RAB6A: variants seen among roughly 807,000 people sequenced by gnomAD.
RAB6A encodes the protein ras-related protein Rab-6A.
RAB6A carries 8 observed loss-of-function variants against 32.3 expected under a neutral mutation model. The observed-to-expected ratio is 0.25, with a 90% CI of 0.15 to 0.45. The LOEUF is 0.45. Among genes scored for constraint, RAB6A ranks in the 20% least tolerant of loss-of-function variants. RAB6A has a pLI of 1.00. For missense variants in RAB6A, 104 were observed against 249.4 expected, an observed-to-expected ratio of 0.42 and a Z score of 3.93; for synonymous variants, 73 against 82.1, an observed-to-expected ratio of 0.89 and a Z score of 0.60.
At chr11:73,731,388 C>G (rs1946298929) in intron 1 of RAB6A, among the ~76,000 whole-genome samples, 1 of 151,464 alleles carries the variant, frequency 6.6e-6, no homozygotes, top group Non-Finnish European at 1.5e-5. Context: ...ACTAAAAATA[C>G]AAAACTTAGC....
chr11:73,695,305 A>T (rs191431194), intron 6 of RAB6A, among the ~76,000 whole-genome samples: 9 of 152,172 alleles, frequency 5.9e-5, no homozygotes, highest in Non-Finnish European at 8.8e-5. Flanking sequence ...ATCACAAATG[A>T]CTAAGTATGA....
At chr11:73,706,108 C>G (rs1945838140) in intron 6 of RAB6A, among the ~76,000 whole-genome samples, 1 of 152,118 alleles carries the variant, frequency 6.6e-6, no homozygotes, top group Non-Finnish European at 1.5e-5. Context: ...TGATTCAAGG[C>G]ATGGAGGGAA....
chr11:73,743,320 A>AAAG (rs1946530835), intron 1 of RAB6A, among the ~76,000 whole-genome samples: 2 of 151,828 alleles, frequency 1.3e-5, no homozygotes, highest in Non-Finnish European at 2.9e-5. Context: ...AAAAAAAAAA[A>AAAG]AGAGAAAAAA....
At chr11:73,708,469 G>C (rs1205880109) in intron 5 of RAB6A, among the ~76,000 whole-genome samples, 1 of 151,988 alleles carries the variant, frequency 6.6e-6, no homozygotes, top group Non-Finnish European at 1.5e-5. Flanking sequence ...GTGCCCAGCC[G>C]ATTTTGTGGA....
At chr11:73,711,302 G>C (rs1379565362) in intron 5 of RAB6A, among the ~76,000 whole-genome samples, 1 of 151,366 alleles carries the variant, frequency 6.6e-6, no homozygotes, top group African/African-American at 2.5e-5. Context: ...TCCTCATTTT[G>C]CTTTAGGTAA....
rs1946831513 is a variant in RAB6A, at chr11:73,760,656, C to A, written c.-21G>T. 1.2e-6 allele frequency: 2 copies of A among 1,601,100 alleles called. No homozygotes were observed. Among genetic ancestry groups the A allele is most frequent in the Admixed American group, 1.7e-5 (1 of 58,092 alleles). On this transcript the variant is annotated 5_prime_UTR_variant, in exon 1 of 8. Coordinates refer to ENST00000336083, the MANE Select transcript of RAB6A (RefSeq NM_198896.2). ...GACATTGTGGAACTAGAGGAGCGGC[C>A]GCCGCCTCAGCCTAGAGACCTCCCG...
intron 1 of RAB6A, among the ~76,000 whole-genome samples, chr11:73,732,877 A>C (rs1946339623): frequency 6.6e-6 from 1 of 151,200 alleles, no homozygotes; most frequent in South Asian, 2.1e-4. Context: ...CAGTGACGCG[A>C]TCTCGGCTCA....
intron 5 of RAB6A, among the ~76,000 whole-genome samples, chr11:73,709,870 C>T (rs11600162): frequency 2.2e-5 from 3 of 136,472 alleles, no homozygotes; most frequent in Non-Finnish European, 4.8e-5. Flanking sequence ...CATATATACA[C>T]ATATACATAC....
intron 6 of RAB6A, among the ~76,000 whole-genome samples, chr11:73,680,054 C>G (rs1037677884): frequency 7.2e-5 from 11 of 152,116 alleles, no homozygotes; most frequent in African/African-American, 2.7e-4. Flanking sequence ...GCTGAGATCA[C>G]GCCACTGCAC....
chr11:73,742,273 C>T (rs1946508834), intron 1 of RAB6A, among the ~76,000 whole-genome samples: 1 of 151,796 alleles, frequency 6.6e-6, no homozygotes. Context: ...CAGAGCGAGA[C>T]TCTGTCTCAA....
chr11:73,727,689 C>T (rs1946242921), intron 2 of RAB6A, among the ~76,000 whole-genome samples: 1 of 152,044 alleles, frequency 6.6e-6, no homozygotes, highest in Admixed American at 6.5e-5. Flanking sequence ...AAGCCATATT[C>T]CTGAAATAAA....
intron 6 of RAB6A, among the ~76,000 whole-genome samples, chr11:73,693,178 C>G (rs1160969074): frequency 6.6e-6 from 1 of 151,884 alleles, no homozygotes; most frequent in Non-Finnish European, 1.5e-5. Context: ...ATCCCAGCTA[C>G]TCAGTAGGCT....
At chr11:73,734,671 G>A (rs1035866669) in intron 1 of RAB6A, among the ~76,000 whole-genome samples, 1 of 152,154 alleles carries the variant, frequency 6.6e-6, no homozygotes, top group Non-Finnish European at 1.5e-5. Flanking sequence ...GTTCACTATA[G>A]GGTTCTCGCT....
chr11:73,740,380 C>T (rs950415931), intron 1 of RAB6A, among the ~76,000 whole-genome samples: 1 of 152,166 alleles, frequency 6.6e-6, no homozygotes, highest in Non-Finnish European at 1.5e-5. Flanking sequence ...AAAAGCTCAG[C>T]TGCAAGCAAA....
intron 1 of RAB6A, among the ~76,000 whole-genome samples, chr11:73,743,074 C>A (rs1026688038): frequency 1.3e-5 from 2 of 151,924 alleles, no homozygotes. Flanking sequence ...GAGGCCAAGA[C>A]GGGCAGATCA....
chr11:73,705,949 A>C (rs1269574193), intron 6 of RAB6A, among the ~76,000 whole-genome samples: 2 of 152,104 alleles, frequency 1.3e-5, no homozygotes, highest in African/African-American at 4.8e-5. Flanking sequence ...TCTAAACTGA[A>C]ACTTATAAGG....
At chr11:73,734,285 C>A (rs1946361163) in intron 1 of RAB6A, among the ~76,000 whole-genome samples, 1 of 152,076 alleles carries the variant, frequency 6.6e-6, no homozygotes, top group East Asian at 1.9e-4. Context: ...GCCACCACGC[C>A]CAGCTAGTTT....
intron 1 of RAB6A, among the ~76,000 whole-genome samples, chr11:73,734,164 C>T (rs1215484247): frequency 2.6e-5 from 4 of 152,090 alleles, no homozygotes; most frequent in Admixed American, 2.0e-4. Context: ...CTCACTCTGT[C>T]GCCCAGGCTG....
At chr11:73,717,886 G>A (rs1397356447) in intron 4 of RAB6A, among the ~76,000 whole-genome samples, 5 of 152,116 alleles carry the variant, frequency 3.3e-5, no homozygotes, top group African/African-American at 1.2e-4. Context: ...AATTTACAAA[G>A]GCAATTTCAA....
Sources: allele counts gnomAD v4.1 joint callset (sites outside exome capture counted in the v4.1 genomes callset), GRCh38; gene constraint gnomAD v4.1.1; transcripts MANE v1.5; gene names NCBI Gene and HGNC (gene_info 2026-07-23, HGNC 2026-07-21).